Variants in TRANK1 observed in about 807,000 individuals in gnomAD.
TRANK1 encodes TPR and ankyrin repeat-containing protein 1.
A neutral mutation model predicts 266.0 loss-of-function variants in TRANK1; 198 were observed. That is an observed-to-expected ratio of 0.74 (90% CI 0.66 to 0.84). TRANK1 has a LOEUF of 0.84. TRANK1 is among the 40% of genes least tolerant of loss of function. The pLI, the probability that TRANK1 is intolerant of heterozygous loss-of-function variation, is 0.00. For missense variants in TRANK1, 3,326 were observed against 3,634.6 expected, an observed-to-expected ratio of 0.92 and a Z score of 2.18; for synonymous variants, 1,396 against 1,384.1, an observed-to-expected ratio of 1.01 and a Z score of -0.19.
rs2079094610 is a variant in TRANK1 at position 36,858,824 on chromosome 3, C to T, written c.1566G>A (p.Glu522=). The T allele has an allele frequency of 1.3e-6, 2 of 1,537,280 alleles. No homozygotes were observed. The highest frequency in any genetic ancestry group is 1.7e-6 in the Non-Finnish European group (2 of 1,146,888). ...CCTTGGTCAAGAGAAGGAAAGCCAACTCGAAGTCCTCATGTTTCAGGCACG... is the reference window on the plus strand; with the variant it reads ...CCTTGGTCAAGAGAAGGAAAGCCAATTCGAAGTCCTCATGTTTCAGGCACG... ...VVTCLKHEDF[E]LAFLLLTKGA... Residue 522 remains glutamate (E), a synonymous_variant, in exon 12 of 24, where the codon GAG becomes GAA. Transcript: ENST00000645898.
chr3:36,889,582 C>A (rs968203925), intron 8 of TRANK1, among the ~76,000 whole-genome samples: 2 of 152,174 alleles, frequency 1.3e-5, no homozygotes, highest in African/African-American at 4.8e-5. Flanking sequence ...TGATTCAACC[C>A]CACAGAAGCC....
At chr3:36,933,995 C>T (rs1184658623) in intron 1 of TRANK1, among the ~76,000 whole-genome samples, 1 of 152,198 alleles carries the variant, frequency 6.6e-6, no homozygotes, top group Non-Finnish European at 1.5e-5. Context: ...AGGGCACTTG[C>T]TCAGGGGCCC....
intron 18 of TRANK1, 43 bp downstream of exon 18, chr3:36,842,579 G>A (rs370869818): frequency 2.4e-5 from 37 of 1,565,424 alleles, no homozygotes; most frequent in Non-Finnish European, 3.0e-5. Flanking sequence ...GAGGTCTGAC[G>A]AGGGCACCAG....
At chr3:36,938,610 G>A (rs1215256596) in intron 1 of TRANK1, among the ~76,000 whole-genome samples, 1 of 151,976 alleles carries the variant, frequency 6.6e-6, no homozygotes, top group African/African-American at 2.4e-5. Context: ...CTTTGGCCAG[G>A]CTGAAAGATG....
chr3:36,891,084 A>C (rs528843447), intron 7 of TRANK1, among the ~76,000 whole-genome samples: 1 of 152,326 alleles, frequency 6.6e-6, no homozygotes, highest in African/African-American at 2.4e-5. Context: ...TCACGCCTGT[A>C]ATCCCAGCAC....
At chr3:36,876,331 T>C (rs1169967304) in intron 8 of TRANK1, among the ~76,000 whole-genome samples, 2 of 152,246 alleles carry the variant, frequency 1.3e-5, no homozygotes, top group Non-Finnish European at 2.9e-5. Flanking sequence ...TCTGTTCTTC[T>C]AGCTCTGTCC....
chr3:36,892,253 T>C lies in TRANK1; in HGVS notation c.724A>G (p.Thr242Ala), dbSNP rs1408947290. 1 of 1,536,962 alleles carries C rather than the reference T, an allele frequency of 6.5e-7. No homozygotes were observed. The highest frequency in any genetic ancestry group is 2.0e-5 in the Admixed American group (1 of 50,954). Residue 242 changes from threonine to alanine, a missense_variant, in exon 7 of 24, where the codon ACT becomes GCT. Coordinates refer to ENST00000645898, the MANE Select transcript of TRANK1 (RefSeq NM_001329998.2). ...WLISIGASVE[T>A]IGPYPLHALM... ...GCATGAAGGGGATACGGTCCTATAGTCTCAACACTTGCACCAATGGAGATG... is the reference window on the plus strand; with the variant it reads ...GCATGAAGGGGATACGGTCCTATAGCCTCAACACTTGCACCAATGGAGATG...
chr3:36,838,022 A>G (rs976741754), intron 20 of TRANK1, among the ~76,000 whole-genome samples: 4 of 152,248 alleles, frequency 2.6e-5, no homozygotes, highest in African/African-American at 4.8e-5. Context: ...CCACTCAGCC[A>G]AGGTGACTGA....
rs2079730344 is a variant in TRANK1, at chr3:36,892,957, CT to C, written c.579del (p.Asp194ThrfsTer14). The stretch of plus-strand genomic sequence containing the variant: ...ACATGAATATTTCTTGGTAATCGGT[CT>C]TTTTTTGCTGACAGAAGCAGAAATG... ...WHSFLLLSAK[K>X]DRLPRNIHVP... is the part of the protein sequence containing the mutation. On this transcript the variant is annotated frameshift_variant, in exon 6 of 24. Transcript: ENST00000645898. LOFTEE classifies it high-confidence loss of function. 6.6e-6 allele frequency: 10 copies of C among 1,511,274 alleles called. No homozygotes were observed. Among genetic ancestry groups the C allele is most frequent in the Admixed American group, 2.2e-5 (1 of 45,522 alleles). The allele number at this position is 1,511,274 out of a possible 1,614,324, so 93.6% of individuals were successfully genotyped here. A position where few individuals can be genotyped will look rare whatever the true frequency, so the allele number is the denominator to read the frequency against.
chr3:36,901,216 A>G (rs1021668735), intron 3 of TRANK1, among the ~76,000 whole-genome samples: 3 of 152,012 alleles, frequency 2.0e-5, no homozygotes, highest in Non-Finnish European at 4.4e-5. Context: ...CAACAGATGC[A>G]AAAAGAAGCC....
At chr3:36,879,633 TATAA>T (rs532890527) in intron 8 of TRANK1, among the ~76,000 whole-genome samples, 3 of 84,886 alleles carry the variant, frequency 3.5e-5, no homozygotes, top group Non-Finnish European at 2.2e-5. Context: ...TATAAATATA[TATAA>T]ATATACAAAT....
chr3:36,943,078 G>T lies in TRANK1; in HGVS notation c.23+1709C>A, dbSNP rs146561162. Among the ~76,000 whole-genome samples the T allele has an allele frequency of 4.2e-4, 63 of 151,708 alleles. No individual in the cohort carries two copies. The East Asian group carries it at 0.011, about 26-fold the overall frequency. ...CCACCCCCGGCCCCCCGTAATCCCA[G>T]CTATTTCGGAGGCTGCGGCAGGAGA... On this transcript the variant is annotated intron_variant, in intron 1 of 23. Transcript: ENST00000645898.
intron 15 of TRANK1, 61 bp from the exon 16 acceptor site, chr3:36,847,407 TC>T: frequency 6.4e-7 from 1 of 1,562,946 alleles, no homozygotes; most frequent in South Asian, 1.2e-5. Context: ...GCATACAGCC[TC>T]CCTGAGCTTC....
At chr3:36,943,523 A>AT (rs1475572206) in intron 1 of TRANK1, among the ~76,000 whole-genome samples, 3 of 139,498 alleles carry the variant, frequency 2.2e-5, no homozygotes, top group African/African-American at 8.0e-5. Context: ...AACAAAGAGC[A>AT]TATGAACTCA....
chr3:36,911,706 T>C (rs112047438), intron 1 of TRANK1, among the ~76,000 whole-genome samples: 1,634 of 152,228 alleles, frequency 0.011, 31 homozygotes, highest in African/African-American at 0.037. Flanking sequence ...ATCTCTACAA[T>C]AGAATACAGA....
At chr3:36,919,159 G>A (rs1388867509) in intron 1 of TRANK1, among the ~76,000 whole-genome samples, 1 of 151,976 alleles carries the variant, frequency 6.6e-6, no homozygotes, top group African/African-American at 2.4e-5. Flanking sequence ...CATTTTTATT[G>A]AGGCAAAACC....
At chr3:36,887,255 T>C (rs1312188715) in intron 8 of TRANK1, among the ~76,000 whole-genome samples, 1 of 152,216 alleles carries the variant, frequency 6.6e-6, no homozygotes, top group Non-Finnish European at 1.5e-5. Flanking sequence ...TAAGACCCAG[T>C]TCATATCAGT....
At chr3:36,920,177 T>C (rs1327181377) in intron 1 of TRANK1, among the ~76,000 whole-genome samples, 1 of 152,232 alleles carries the variant, frequency 6.6e-6, no homozygotes, top group Non-Finnish European at 1.5e-5. Context: ...GGAAATATTC[T>C]TCTAAAAAAC....
chr3:36,879,275 A>C (rs986204919), intron 8 of TRANK1, among the ~76,000 whole-genome samples: 1 of 151,894 alleles, frequency 6.6e-6, no homozygotes, highest in South Asian at 2.1e-4. Context: ...GACTATGAGA[A>C]TTTTCCCCAA....
Sources: allele counts gnomAD v4.1 joint callset (sites outside exome capture counted in the v4.1 genomes callset), GRCh38; gene constraint gnomAD v4.1.1; transcripts MANE v1.5; gene names NCBI Gene and HGNC (gene_info 2026-07-23, HGNC 2026-07-21).